Variants in ZNF225 observed in about 807,000 individuals in gnomAD.
The protein encoded by ZNF225 is zinc finger protein 225.
In ZNF225, 6 loss-of-function variants were observed where a neutral mutation model predicts 12.0. The observed-to-expected ratio is 0.50, with a 90% CI of 0.27 to 0.98. The LOEUF (loss-of-function observed/expected upper bound fraction) is 0.98, where lower values mean the gene tolerates loss of function less well. Among genes scored for constraint, ZNF225 ranks in the 50% least tolerant of loss-of-function variants. The probability of loss-of-function intolerance (pLI) is 0.11; values close to 1 mark genes in which losing one functional copy is unlikely to be tolerated. For missense variants in ZNF225, 763 were observed against 848.2 expected (o/e 0.90, Z 1.25); for synonymous variants, 271 against 283.2 (o/e 0.96, Z 0.43).
rs1312694541 is a variant in ZNF225 at position 44,118,310 on chromosome 19, A to G, written c.138A>G (p.Ser46=). The change falls in exon 3 of 5, where the codon TCA becomes TCG. Residue 46 remains serine, a synonymous_variant. Coordinates refer to ENST00000262894, the MANE Select transcript of ZNF225 (RefSeq NM_013362.4). ...TGGAGAACTTCAGGAACCTGCTCTC[A>G]GTGGGTGAGGACAGGCACCCTTTGT... ...VMLENFRNLL[S]VGHQSLHRDT... is the part of the protein sequence containing the mutation. The G allele has an allele frequency of 6.2e-7, 1 of 1,612,728 alleles. No homozygotes were observed. Among genetic ancestry groups the G allele is most frequent in the Non-Finnish European group, 8.5e-7 (1 of 1,179,466 alleles).
Position 44,130,963 on chromosome 19 carries a change from T to A in ZNF225, c.349T>A (p.Ser117Thr), listed in dbSNP as rs751488988. 7 of 1,613,918 alleles carry A rather than the reference T, an allele frequency of 4.3e-6. No homozygotes were observed. The African/African-American group carries it at 9.3e-5, about 22-fold the overall frequency. The change falls in exon 5 of 5, where the codon TCC becomes ACC. Residue 117 changes from serine to threonine, a missense_variant. Ser to Thr is a moderately conservative substitution (Grantham distance 58, BLOSUM62 1). Transcript: ENST00000262894. ...AAGTGACTTAACCAGGTTTCAAGAC[T>A]CCATGGTAAACAGCTTTCAGTTCTC... Reference protein sequence around the residue: ...ISSDLTRFQDSMVNSFQFSKQ... With the variant: ...ISSDLTRFQDTMVNSFQFSKQ...
rs560367581 is a variant in ZNF225 at position 44,114,508 on chromosome 19, C to G, written c.-69+939C>G. 3.9e-4 allele frequency among the ~76,000 whole-genome samples: 59 copies of G among 152,210 alleles called. 1 individual carries two copies. In the South Asian group the frequency reaches 0.012, roughly 30 times the overall value. ...GGAATACCACAGAAGTGGTAAATCT[C>G]TCTCTCTCTTTTTTTTTCTTGAGAC... On this transcript the variant is annotated intron_variant, in intron 1 of 4. Transcript: ENST00000262894.
rs751846827 is a variant in ZNF225, at chr19:44,118,473, C to T, written c.143-9C>T. On this transcript the variant is annotated splice_polypyrimidine_tract_variant and intron_variant, in intron 3 of 4. Transcript: ENST00000262894. ...TTGGCACTAAGCACATGACTTTTCACGTTCACAGGGCATCAATCACTCCAC... is the reference window on the plus strand; with the variant it reads ...TTGGCACTAAGCACATGACTTTTCATGTTCACAGGGCATCAATCACTCCAC... 5.5e-5 allele frequency: 89 copies of T among 1,613,110 alleles called. No homozygotes were observed. Among genetic ancestry groups the T allele is most frequent in the East Asian group, 2.2e-4 (10 of 44,874 alleles).
At chr19:44,119,932 T>A (rs749498416) in intron 4 of ZNF225, among the ~76,000 whole-genome samples, 2 of 152,064 alleles carry the variant, frequency 1.3e-5, no homozygotes, top group Non-Finnish European at 2.9e-5. Flanking sequence ...TAAAATACTA[T>A]TCTAGGCCAG....
At chr19:44,121,828 T>G (rs1226498133) in intron 4 of ZNF225, among the ~76,000 whole-genome samples, 1 of 152,232 alleles carries the variant, frequency 6.6e-6, no homozygotes, top group Non-Finnish European at 1.5e-5. Context: ...TTAGCCCACT[T>G]TTTGATGGGG....
chr19:44,132,591 G>A lies in ZNF225; in HGVS notation c.1977G>A (p.Lys659=), dbSNP rs1423378853. 8 of 1,614,032 alleles carry A rather than the reference G, an allele frequency of 5.0e-6. No homozygotes were observed. Among genetic ancestry groups the A allele is most frequent in the Admixed American group, 3.3e-5 (2 of 59,998 alleles). The part of the protein sequence containing the change: ...EKLLQCEDCG[K]SIVHSSCLKD... ...TACTTCAATGTGAGGACTGTGGGAA[G>A]AGCATTGTGCACAGTTCATGCCTTA... The change falls in exon 5 of 5, where the codon AAG becomes AAA. Residue 659 remains lysine (K), a synonymous_variant. Transcript: ENST00000262894.
chr19:44,118,485 A>G lies in ZNF225; in HGVS notation c.146A>G (p.His49Arg), dbSNP rs745804099. 9 of 1,613,618 alleles carry G rather than the reference A, an allele frequency of 5.6e-6. No individual in the cohort carries two copies. The African/African-American group carries it at 6.7e-5, about 12-fold the overall frequency. ...ACATGACTTTTCACGTTCACAGGGC[A>G]TCAATCACTCCACAGAGATACTTTC... ...ENFRNLLSVGHQSLHRDTFHF... is the reference protein window; with the variant it reads ...ENFRNLLSVGRQSLHRDTFHF... Residue 49 changes from histidine (H) to arginine (R), a missense_variant, in exon 4 of 5, where the codon CAT becomes CGT. Physicochemically the swap from His to Arg is conservative, Grantham distance 29. Coordinates refer to ENST00000262894, the MANE Select transcript of ZNF225 (RefSeq NM_013362.4).
rs923739893 is a variant in ZNF225 at position 44,133,368 on chromosome 19, A to T, written c.*633A>T. On this transcript the variant is annotated 3_prime_UTR_variant, in exon 5 of 5. Transcript: ENST00000262894. ...TTTCCTTTTCTTTGGATATGTACCA[A>T]GTATCATATAATAGTATGACATGAC... 6.6e-6 allele frequency: 1 copy of T among 152,278 alleles called. No homozygotes were observed. 9.4% of individuals were successfully genotyped at this position (152,278 alleles called of 1,614,324 possible). A position where few individuals can be genotyped will look rare whatever the true frequency, so the allele number is the denominator to read the frequency against.
chr19:44,116,352 G>A (rs189618172), intron 2 of ZNF225, among the ~76,000 whole-genome samples: 280 of 152,292 alleles, frequency 1.8e-3, no homozygotes, highest in Non-Finnish European at 2.6e-3. Context: ...GAGAGCCAGC[G>A]TCCACAGGTG....
At chr19:44,117,480 A>G (rs529694421) in intron 2 of ZNF225, among the ~76,000 whole-genome samples, 218 of 152,330 alleles carry the variant, frequency 1.4e-3, no homozygotes, top group Non-Finnish European at 2.3e-3. Flanking sequence ...TATGAGAGAG[A>G]ACAATGGGAA....
Position 44,115,834 on chromosome 19 carries a change from A to G in ZNF225, c.7A>G (p.Thr3Ala), listed in dbSNP as rs1171840255. MT[T>A]LKEAVTFKDV... Reference sequence around the variant, plus strand: ...CCCTGAAATAGGAGGAAAAATGACCACGTTGAAGGTGAGTAGAGCTTGCCT... The same window carrying G: ...CCCTGAAATAGGAGGAAAAATGACCGCGTTGAAGGTGAGTAGAGCTTGCCT... Residue 3 changes from threonine to alanine, a missense_variant, in exon 2 of 5, where the codon ACG becomes GCG. Physicochemically the swap from Thr to Ala is moderately conservative, Grantham distance 58 (BLOSUM62 0). Coordinates refer to ENST00000262894, the MANE Select transcript of ZNF225 (RefSeq NM_013362.4). 1.2e-6 allele frequency: 2 copies of G among 1,612,998 alleles called. No individual in the cohort carries two copies. Among genetic ancestry groups the G allele is most frequent in the Non-Finnish European group, 1.7e-6 (2 of 1,179,528 alleles).
chr19:44,115,980 G>A, intron 2 of ZNF225, 138 bp downstream of exon 2: 1 of 837,582 alleles, frequency 1.2e-6, no homozygotes, highest in Non-Finnish European at 1.8e-6. Context: ...TCCTGCTTCA[G>A]CCTCCCAAGT....
chr19:44,131,374 C>A lies in ZNF225; in HGVS notation c.760C>A (p.His254Asn), dbSNP rs764653627. ...RSGLYVHRKL[H>N]TGVKPHICEK... ...AGGACTTTATGTTCATCGTAAATTA[C>A]ACACAGGAGTGAAACCTCATATTTG... The change falls in exon 5 of 5, where the codon CAC (histidine) becomes AAC (asparagine). Residue 254 changes from histidine (H) to asparagine (N), a missense_variant. His to Asn is a moderately conservative substitution (Grantham distance 68, BLOSUM62 1). Coordinates refer to ENST00000262894, the MANE Select transcript of ZNF225 (RefSeq NM_013362.4). The A allele has an allele frequency of 4.3e-6, 7 of 1,614,190 alleles. No individual in the cohort carries two copies. Among genetic ancestry groups the A allele is most frequent in the Non-Finnish European group, 5.1e-6 (6 of 1,180,036 alleles).
intron 1 of ZNF225, among the ~76,000 whole-genome samples, chr19:44,114,863 A>G (rs1245271041): frequency 1.3e-5 from 2 of 152,144 alleles, no homozygotes; most frequent in South Asian, 2.1e-4. Flanking sequence ...TCAGTTTGTC[A>G]CTTCATTGGT....
chr19:44,130,359 C>A, intron 4 of ZNF225: 1 of 152,864 alleles, frequency 6.5e-6, no homozygotes, highest in Non-Finnish European at 1.4e-5. Context: ...TGATTGTGTC[C>A]CTGCACTCCA....
chr19:44,126,210 A>G (rs1326521912), intron 4 of ZNF225, among the ~76,000 whole-genome samples: 2 of 152,104 alleles, frequency 1.3e-5, no homozygotes, highest in African/African-American at 2.4e-5. Flanking sequence ...TGTTGTTCAG[A>G]TTCTTTTGTC....
intron 4 of ZNF225, chr19:44,129,486 G>A (rs1336032449): frequency 6.4e-6 from 1 of 155,872 alleles, no homozygotes; most frequent in Admixed American, 6.5e-5. Context: ...CAAGATTAAG[G>A]TGTGACATTA....
chr19:44,125,002 C>A (rs966075934), intron 4 of ZNF225, among the ~76,000 whole-genome samples: 4 of 152,088 alleles, frequency 2.6e-5, no homozygotes, highest in Non-Finnish European at 4.4e-5. Flanking sequence ...AGCATTTAGG[C>A]CATTTACATT....
rs181085911 is a variant in ZNF225, at chr19:44,127,782, G to A, written c.236-3068G>A. 2.6e-4 allele frequency among the ~76,000 whole-genome samples: 39 copies of A among 152,090 alleles called. No individual in the cohort carries two copies. In the East Asian group the frequency reaches 7.3e-3, roughly 29 times the overall value. ...CCTGCCTCAGCCTCCCAAGTAGCTGGTATATGCCACCATGCCCAGCTAATT... is the reference window on the plus strand; with the variant it reads ...CCTGCCTCAGCCTCCCAAGTAGCTGATATATGCCACCATGCCCAGCTAATT... On this transcript the variant is annotated intron_variant, in intron 4 of 4. Coordinates refer to ENST00000262894, the MANE Select transcript of ZNF225 (RefSeq NM_013362.4).
Sources: allele counts gnomAD v4.1 joint callset (sites outside exome capture counted in the v4.1 genomes callset), GRCh38; gene constraint gnomAD v4.1.1; transcripts MANE v1.5; gene names NCBI Gene and HGNC (gene_info 2026-07-23, HGNC 2026-07-21).